The following MYO18B variants were observed in gnomAD, a reference collection of about 807,000 sequenced individuals.
MYO18B encodes the protein myosin XVIIIB.
In MYO18B, 204 loss-of-function variants were observed where a neutral mutation model predicts 273.0. The ratio of observed to expected loss-of-function variants is 0.75; its 90% CI spans 0.67 to 0.84. The LOEUF (loss-of-function observed/expected upper bound fraction) is 0.84, where lower values mean the gene tolerates loss of function less well. MYO18B is among the 40% of genes least tolerant of loss of function. The pLI, the probability that MYO18B is intolerant of heterozygous loss-of-function variation, is 0.00. For synonymous variants in MYO18B, 1,330 were observed against 1,305.7 expected (o/e 1.02, Z -0.40); for missense variants, 3,212 against 3,287.6 (o/e 0.98, Z 0.56).
chr22:26,006,782 T>G (rs1228522168), intron 42 of MYO18B, among the ~76,000 whole-genome samples: 2 of 152,216 alleles, frequency 1.3e-5, no homozygotes, highest in Admixed American at 1.3e-4. Flanking sequence ...CACAAGCCAC[T>G]CTTTACTCAG....
chr22:25,948,428 TTCCTTCCTTCCTTCC>T (rs1483924974), intron 36 of MYO18B, among the ~76,000 whole-genome samples: 21 of 123,634 alleles, frequency 1.7e-4, no homozygotes, highest in East Asian at 2.3e-4. Flanking sequence ...CCTTCCTTCC[TTCCTTCCTTCCTTCC>T]TTCCTTCCTT....
chr22:25,861,426 TAAACAAAATTTA>T (rs2090733624), intron 21 of MYO18B, among the ~76,000 whole-genome samples: 1 of 152,224 alleles, frequency 6.6e-6, no homozygotes, highest in African/African-American at 2.4e-5. Context: ...TTTTCAATTT[TAAACAAAATTTA>T]AAACAAAATT....
intron 33 of MYO18B, among the ~76,000 whole-genome samples, chr22:25,920,773 A>G (rs1028834315): frequency 7.2e-5 from 11 of 152,198 alleles, no homozygotes; most frequent in Admixed American, 2.0e-4. Context: ...CCAGATCAAT[A>G]ACATTAATAA....
At chr22:26,005,729 G>C (rs9613079) in intron 42 of MYO18B, among the ~76,000 whole-genome samples, 27,212 of 152,122 alleles carry the variant, frequency 0.18, 3,271 homozygotes, top group Non-Finnish European at 0.27. Context: ...ACAGACTCAC[G>C]GAGCAAACCC....
chr22:26,002,760 A>C (rs948580621), intron 40 of MYO18B, among the ~76,000 whole-genome samples: 3 of 151,454 alleles, frequency 2.0e-5, no homozygotes, highest in Non-Finnish European at 4.4e-5. Flanking sequence ...GGTAGATGAG[A>C]TTGTGTGGGT....
chr22:26,026,394 A>T, intron 42 of MYO18B, 51 bp from the exon 43 acceptor site: 1 of 1,551,672 alleles, frequency 6.4e-7, no homozygotes, highest in Non-Finnish European at 8.7e-7. Flanking sequence ...GATTGCACAA[A>T]TTGTATGAAT....
intron 7 of MYO18B, 78 bp downstream of exon 7, chr22:25,772,588 G>C: frequency 7.1e-7 from 1 of 1,418,050 alleles, no homozygotes; most frequent in Admixed American, 2.2e-5. Flanking sequence ...CATCTGAGGT[G>C]ACAGTAGAAC....
chr22:25,801,001 T>C (rs1030103371), intron 12 of MYO18B, among the ~76,000 whole-genome samples: 1 of 152,270 alleles, frequency 6.6e-6, no homozygotes, highest in African/African-American at 2.4e-5. Flanking sequence ...TACTTACTTA[T>C]ATATTCTGCT....
At chr22:25,829,248 A>T (rs951468450) in intron 15 of MYO18B, among the ~76,000 whole-genome samples, 1 of 152,140 alleles carries the variant, frequency 6.6e-6, no homozygotes, top group African/African-American at 2.4e-5. Context: ...CTTTGGGATG[A>T]CTGCTTCATT....
Position 25,835,374 on chromosome 22 carries a change from G to A in MYO18B, c.3139G>A (p.Gly1047Ser). 6.2e-7 allele frequency: 1 copy of A among 1,613,948 alleles called. No individual in the cohort carries two copies. Among genetic ancestry groups the A allele is most frequent in the South Asian group, 1.1e-5 (1 of 91,072 alleles). ...WVLDEEVHVE[G>S]SSDSVVLERL... ...CTTAGATGAGGAAGTCCATGTAGAG[G>A]GCTCCAGTGACAGTGTGGTGCTCGA... is the stretch of plus-strand genomic sequence containing the variant. The change falls in exon 17 of 44, where the codon GGC (glycine) becomes AGC (serine). Residue 1047 changes from glycine (G) to serine (S), a missense_variant. Coordinates refer to ENST00000335473, the MANE Select transcript of MYO18B (RefSeq NM_032608.7).
chr22:25,919,807 G>T (rs776503408), intron 33 of MYO18B, among the ~76,000 whole-genome samples: 5 of 152,062 alleles, frequency 3.3e-5, no homozygotes, highest in Non-Finnish European at 7.4e-5. Flanking sequence ...CTCAAAACCA[G>T]CAGTAGAGAA....
At chr22:25,877,554 A>G (rs1014478709) in intron 24 of MYO18B, among the ~76,000 whole-genome samples, 3 of 152,014 alleles carry the variant, frequency 2.0e-5, no homozygotes, top group African/African-American at 7.3e-5. Context: ...TGCATCCTCC[A>G]TCTCCGGGGT....
the MYO18B span, among the ~76,000 whole-genome samples, chr22:26,063,837 C>A: frequency 3.9e-5 from 6 of 152,212 alleles, no homozygotes; most frequent in African/African-American, 1.4e-4. Context: ...TAAAGCTCTT[C>A]TTTTTCCTAA....
At chr22:25,847,946 CAT>C (rs60385460) in intron 20 of MYO18B, among the ~76,000 whole-genome samples, 1 of 109,312 alleles carries the variant, frequency 9.1e-6, no homozygotes, top group South Asian at 3.4e-4. Flanking sequence ...AACACACACA[CAT>C]ACACACACAC....
rs140810446 is a variant in MYO18B, at chr22:25,799,815, A to G, written c.2521+1718A>G. Among the ~76,000 whole-genome samples, 1,371 of 152,340 alleles carry G rather than the reference A, an allele frequency of 9.0e-3. 10 individuals are homozygous for G. Among genetic ancestry groups the G allele is most frequent in the Non-Finnish European group, 0.015 (1,053 of 68,030 alleles). On this transcript the variant is annotated intron_variant, in intron 12 of 43. Transcript: ENST00000335473. ...AAGATGGGGATTCAACAGTTGATCCAAGCCAAGGACAGACATGCTGGGCTG... is the reference window on the plus strand; with the variant it reads ...AAGATGGGGATTCAACAGTTGATCCGAGCCAAGGACAGACATGCTGGGCTG...
chr22:25,778,630 C>T (rs2087010783), intron 8 of MYO18B, among the ~76,000 whole-genome samples: 1 of 151,978 alleles, frequency 6.6e-6, no homozygotes, highest in Non-Finnish European at 1.5e-5. Flanking sequence ...CAGGTACACG[C>T]CACCACCCTT....
At chr22:25,896,935 T>C (rs1267552519) in intron 28 of MYO18B, 1 of 152,258 alleles carries the variant, frequency 6.6e-6, no homozygotes, top group African/African-American at 2.4e-5. Context: ...GGCACACCAC[T>C]GATTCCAGCC....
intron 11 of MYO18B, among the ~76,000 whole-genome samples, chr22:25,791,380 T>C (rs1389320351): frequency 6.6e-6 from 1 of 152,174 alleles, no homozygotes; most frequent in Non-Finnish European, 1.5e-5. Context: ...AGGGTAAAAG[T>C]GTGGAGATCC....
At chr22:26,031,275 C>T (rs1183429708), downstream of MYO18B, among the ~76,000 whole-genome samples, 3 of 152,140 alleles carry the variant, frequency 2.0e-5, no homozygotes, top group African/African-American at 7.2e-5. Context: ...ATAGCTCCCA[C>T]CCGTGGGAGG....
Sources: gnomAD v4.1 joint callset for allele counts (sites outside exome capture counted in the v4.1 genomes callset) on GRCh38, gnomAD v4.1.1 for gene constraint, MANE v1.5 for transcripts, NCBI Gene and HGNC (gene_info 2026-07-23, HGNC 2026-07-21) for gene names.